The following CCDC18 variants were observed in gnomAD, a reference collection of about 807,000 sequenced individuals.
CCDC18 encodes the protein coiled-coil domain-containing protein 18.
A neutral mutation model predicts 196.0 loss-of-function variants in CCDC18; 157 were observed. The observed-to-expected ratio is 0.80, with a 90% confidence interval of 0.70 to 0.91. CCDC18 has a LOEUF of 0.91. CCDC18 is among the 40% of genes least tolerant of loss of function. The probability of loss-of-function intolerance (pLI) is 0.00; values close to 1 mark genes in which losing one functional copy is unlikely to be tolerated. For missense variants in CCDC18, 1,465 were observed against 1,611.6 expected (o/e 0.91, Z 1.56); for synonymous variants, 482 against 529.2 (o/e 0.91, Z 1.22).
intron 6 of CCDC18, among the ~76,000 whole-genome samples, chr1:93,196,534 C>T (rs1267192115): frequency 6.6e-6 from 1 of 152,098 alleles, no homozygotes; most frequent in Non-Finnish European, 1.5e-5. Flanking sequence ...TTATATGTAT[C>T]TAATAATTTA....
chr1:93,180,914 G>C, intron 1 of CCDC18, 62 bp downstream of exon 1: 1 of 1,345,210 alleles, frequency 7.4e-7, no homozygotes, highest in South Asian at 1.1e-5. Context: ...TGGGGAAACC[G>C]GCTTACCTGG....
chr1:93,251,462 G>GGACA (rs556023220), intron 23 of CCDC18, among the ~76,000 whole-genome samples: 15 of 152,104 alleles, frequency 9.9e-5, no homozygotes, highest in Non-Finnish European at 1.9e-4. Flanking sequence ...ATTTCTTGTA[G>GGACA]GACAGGTCTA....
chr1:93,260,004 G>C (rs936162076), intron 26 of CCDC18, among the ~76,000 whole-genome samples: 1 of 152,132 alleles, frequency 6.6e-6, no homozygotes, highest in Non-Finnish European at 1.5e-5. Flanking sequence ...TTTTAAAAAA[G>C]TGATGGGGTC....
At chr1:93,272,059 C>G (rs1420522223) in intron 28 of CCDC18, among the ~76,000 whole-genome samples, 1 of 152,162 alleles carries the variant, frequency 6.6e-6, no homozygotes, top group Non-Finnish European at 1.5e-5. Flanking sequence ...TGCCTAACAT[C>G]ATTTTCAAAC....
Position 93,180,840 on chromosome 1 carries a change from G to C in CCDC18, c.-15G>C. On this transcript the variant is annotated 5_prime_UTR_variant, in exon 1 of 29. Transcript: ENST00000690025. ...CCTAACGCAGACTCGAGTGCGAAGC[G>C]CGCAGTCGCCGGGTGGGTCTCTCCC... 7.3e-7 allele frequency: 1 copy of C among 1,367,642 alleles called. No individual in the cohort carries two copies. Among genetic ancestry groups the C allele is most frequent in the Non-Finnish European group, 9.8e-7 (1 of 1,022,004 alleles). The allele number at this position is 1,367,642 out of a possible 1,614,324, so 84.7% of individuals were successfully genotyped here.
rs774605440 is a variant in CCDC18 at position 93,239,667 on chromosome 1, TCTCTC to T, written c.2768-11_2768-7del. 18 of 1,530,612 alleles carry T rather than the reference TCTCTC, an allele frequency of 1.2e-5. No individual in the cohort carries two copies. The East Asian group carries it at 3.2e-4, about 27-fold the overall frequency. 94.8% of individuals were successfully genotyped at this position (1,530,612 alleles called of 1,614,324 possible). ...GGTTTACATATAGTTATAAAATTATTCTCTCCTCTTAATAGTAAAGGAGTTAGAAA... is the reference window on the plus strand; with the variant it reads ...GGTTTACATATAGTTATAAAATTATTCTCTTAATAGTAAAGGAGTTAGAAA... On this transcript the variant is annotated splice_polypyrimidine_tract_variant and intron_variant, in intron 20 of 28. Transcript: ENST00000690025.
At chr1:93,198,680 C>T (rs957328862) in intron 6 of CCDC18, among the ~76,000 whole-genome samples, 1 of 151,998 alleles carries the variant, frequency 6.6e-6, no homozygotes, top group Non-Finnish European at 1.5e-5. Flanking sequence ...TATGGTATTG[C>T]TTTGTTACCC....
intron 6 of CCDC18, 71 bp downstream of exon 6, chr1:93,193,815 A>G (rs1652254399): frequency 1.6e-6 from 2 of 1,238,154 alleles, no homozygotes; most frequent in Non-Finnish European, 2.2e-6. Context: ...TTAAAATTCT[A>G]GTTAATTTTT....
chr1:93,210,780 A>T, intron 9 of CCDC18, 22 bp from the exon 10 acceptor site: 1 of 1,552,700 alleles, frequency 6.4e-7, no homozygotes, highest in Non-Finnish European at 8.9e-7. Context: ...AAGTTTACAT[A>T]TGTTTGTTTT....
In CCDC18 at chr1:93,207,383, T is replaced by G; in HGVS notation, c.1194T>G (p.Ile398Met). The G allele has an allele frequency of 6.3e-7, 1 of 1,593,268 alleles. No individual in the cohort carries two copies. Among genetic ancestry groups the G allele is most frequent in the Non-Finnish European group, 8.6e-7 (1 of 1,169,080 alleles). ...SRVELRSLEK[I>M]ISQLPLKREL... ...TAGAACTAAGAAGTTTGGAAAAGAT[T>G]ATATCCCAGTTGCCAGTAAGTATGT... Residue 398 changes from isoleucine to methionine, a missense_variant, in exon 9 of 29, where the codon ATT becomes ATG. Ile to Met is a conservative substitution (Grantham distance 10, BLOSUM62 1). Coordinates refer to ENST00000690025, the MANE Select transcript of CCDC18 (RefSeq NM_001378204.1).
At chr1:93,224,034 G>A (rs970755663) in intron 16 of CCDC18, among the ~76,000 whole-genome samples, 11 of 151,944 alleles carry the variant, frequency 7.2e-5, no homozygotes, top group Non-Finnish European at 1.3e-4. Context: ...ATAGAGTAGC[G>A]GATGTTTTGG....
rs144558703 is a variant in CCDC18, at chr1:93,272,611, C to T, written c.4353+1797C>T. Among the ~76,000 whole-genome samples, 497 of 152,204 alleles carry T rather than the reference C, an allele frequency of 3.3e-3. 8 individuals carry two copies. Among genetic ancestry groups the T allele is most frequent in the African/African-American group, 0.011 (473 of 41,526 alleles). On this transcript the variant is annotated intron_variant, in intron 28 of 28. Coordinates refer to ENST00000690025, the MANE Select transcript of CCDC18 (RefSeq NM_001378204.1). The stretch of plus-strand genomic sequence containing the variant: ...TATTGACTATCATATTTGGTAATGT[C>T]GAGGCTTTTATGACCCTCATAAGAC...
intron 23 of CCDC18, among the ~76,000 whole-genome samples, chr1:93,251,316 G>A (rs1444527269): frequency 6.6e-6 from 1 of 151,916 alleles, no homozygotes; most frequent in Non-Finnish European, 1.5e-5. Flanking sequence ...ATAAATTGTT[G>A]TAATTATTAT....
At chr1:93,262,925 AG>A (rs959857563) in intron 26 of CCDC18, among the ~76,000 whole-genome samples, 3 of 152,084 alleles carry the variant, frequency 2.0e-5, no homozygotes, top group African/African-American at 7.2e-5. Context: ...AGCCTCCCAA[AG>A]CTCAACTCTT....
At chr1:93,251,936 A>G (rs2101027194) in intron 23 of CCDC18, among the ~76,000 whole-genome samples, 1 of 151,662 alleles carries the variant, frequency 6.6e-6, no homozygotes, top group Middle Eastern at 3.4e-3. Context: ...TGTTGTCCCA[A>G]AGATCCCATA....
Position 93,214,730 on chromosome 1 carries a change from T to C in CCDC18, c.1496-13T>C. On this transcript the variant is annotated splice_polypyrimidine_tract_variant and intron_variant, in intron 11 of 28. Coordinates refer to ENST00000690025, the MANE Select transcript of CCDC18 (RefSeq NM_001378204.1). The stretch of plus-strand genomic sequence containing the variant: ...AGTCCTATTCAGAACAATTTTCCTT[T>C]TATGTTTATTAGCAGAAAGCGTAAA... The C allele has an allele frequency of 6.3e-7, 1 of 1,588,686 alleles. No homozygotes were observed. Among genetic ancestry groups the C allele is most frequent in the Non-Finnish European group, 8.6e-7 (1 of 1,161,802 alleles).
At chr1:93,202,314 A>G (rs1214985452) in intron 7 of CCDC18, among the ~76,000 whole-genome samples, 1 of 152,218 alleles carries the variant, frequency 6.6e-6, no homozygotes, top group Non-Finnish European at 1.5e-5. Flanking sequence ...TTCAATGAAA[A>G]TGAAGATAGA....
At chr1:93,237,479 C>A (rs1005062692) in intron 19 of CCDC18, among the ~76,000 whole-genome samples, 4 of 152,148 alleles carry the variant, frequency 2.6e-5, no homozygotes, top group African/African-American at 9.7e-5. Flanking sequence ...TCTACTGTGC[C>A]TTTTGAACTT....
At chr1:93,191,326 A>G (rs1410135830) in intron 4 of CCDC18, among the ~76,000 whole-genome samples, 1 of 152,176 alleles carries the variant, frequency 6.6e-6, no homozygotes, top group Non-Finnish European at 1.5e-5. Context: ...TAGTATGCCA[A>G]CACCTTGCTA....
Sources: gnomAD v4.1 joint callset for allele counts (sites outside exome capture counted in the v4.1 genomes callset) on GRCh38, gnomAD v4.1.1 for gene constraint, MANE v1.5 for transcripts, NCBI Gene and HGNC (gene_info 2026-07-23, HGNC 2026-07-21) for gene names.